Variants in DAPK2 observed in about 807,000 individuals in gnomAD.
The protein encoded by DAPK2 is death-associated protein kinase 2.
In DAPK2, 35 loss-of-function variants were observed where a neutral mutation model predicts 44.1. That is an observed-to-expected ratio of 0.79 (90% CI 0.61 to 1.05). DAPK2 has a LOEUF of 1.05. Ranked by LOEUF, DAPK2 falls within the 50% of genes least tolerant of loss-of-function variation. The pLI, the probability that DAPK2 is intolerant of heterozygous loss-of-function variation, is 0.00. For missense variants in DAPK2, 453 were observed against 483.2 expected (o/e 0.94, Z 0.59); for synonymous variants, 174 against 182.6 (o/e 0.95, Z 0.38).
At chr15:63,925,614 A>G (rs2079221742) in intron 7 of DAPK2, among the ~76,000 whole-genome samples, 1 of 151,238 alleles carries the variant, frequency 6.6e-6, no homozygotes, top group African/African-American at 2.4e-5. Context: ...TCTGAATTCC[A>G]GGTGCCTTTG....
chr15:63,981,286 C>G (rs1002016060), intron 2 of DAPK2, among the ~76,000 whole-genome samples: 3 of 152,080 alleles, frequency 2.0e-5, no homozygotes, highest in African/African-American at 7.2e-5. Context: ...TGTAGAGAGT[C>G]CCCATTAGCA....
At chr15:63,971,429 A>C in exon 3 of DAPK2, 1 of 1,614,174 alleles carries the variant, frequency 6.2e-7, no homozygotes, top group African/African-American at 1.3e-5. Flanking sequence ...TGACCTTGAG[A>C]TCAAAGTGAG....
intron 8 of DAPK2, chr15:63,919,667 G>A (rs1346119707): frequency 6.6e-6 from 1 of 152,066 alleles, no homozygotes; most frequent in Non-Finnish European, 1.5e-5. Context: ...TATATCTTTA[G>A]TAGAGACAGG....
intron 3 of DAPK2, among the ~76,000 whole-genome samples, chr15:63,956,374 A>G (rs1193994377): frequency 2.0e-5 from 3 of 152,048 alleles, no homozygotes; most frequent in South Asian, 4.1e-4. Context: ...ACTGCTTTCA[A>G]TATACCCCAT....
At chr15:63,957,285 T>C (rs1020581598) in intron 3 of DAPK2, among the ~76,000 whole-genome samples, 2 of 152,240 alleles carry the variant, frequency 1.3e-5, no homozygotes, top group African/African-American at 4.8e-5. Context: ...TTCATCCCTT[T>C]ACTTTTAGTC....
chr15:63,989,295 T>C (rs1000640816), intron 1 of DAPK2, among the ~76,000 whole-genome samples: 3 of 151,304 alleles, frequency 2.0e-5, no homozygotes, highest in Admixed American at 6.6e-5. Context: ...AGTTTGAGGC[T>C]ACAGTGAGCT....
intron 3 of DAPK2, among the ~76,000 whole-genome samples, chr15:63,948,844 G>A (rs1249472566): frequency 6.6e-6 from 1 of 152,180 alleles, no homozygotes. Flanking sequence ...AGCAAGTGCT[G>A]TCTTGCTTCT....
intron 1 of DAPK2, chr15:63,991,409 C>T: frequency 2.2e-6 from 1 of 446,144 alleles, no homozygotes; most frequent in Middle Eastern, 4.8e-4. Context: ...AGCTAATGAC[C>T]CAGGCCCCTC....
intron 1 of DAPK2, among the ~76,000 whole-genome samples, chr15:64,037,265 C>A (rs533455118): frequency 6.6e-6 from 1 of 152,212 alleles, no homozygotes; most frequent in African/African-American, 2.4e-5. Flanking sequence ...TGGCCTCCTG[C>A]GGGTTCCCCA....
At chr15:63,924,574 T>A in intron 8 of DAPK2, 1 of 501,830 alleles carries the variant, frequency 2.0e-6, no homozygotes, top group Non-Finnish European at 3.5e-6. Context: ...AACTGTGGTT[T>A]GTGAGGGTTT....
intron 1 of DAPK2, among the ~76,000 whole-genome samples, chr15:64,009,777 T>A (rs1026922381): frequency 6.6e-6 from 1 of 152,016 alleles, no homozygotes; most frequent in Non-Finnish European, 1.5e-5. Context: ...CTAAATTAGG[T>A]TAATCTGTTA....
At chr15:63,999,370 G>A (rs550860557) in intron 1 of DAPK2, among the ~76,000 whole-genome samples, 7 of 152,210 alleles carry the variant, frequency 4.6e-5, no homozygotes, top group Middle Eastern at 3.4e-3. Flanking sequence ...GCTGCTTCTC[G>A]TGGAACTGCA....
chr15:63,911,347 TTCC>T (rs2078787971), intron 10 of DAPK2: 1 of 154,948 alleles, frequency 6.5e-6, no homozygotes, highest in Non-Finnish European at 1.4e-5. Flanking sequence ...GTTAAGTAAT[TTCC>T]TCAAGGTCAC....
intron 1 of DAPK2, among the ~76,000 whole-genome samples, chr15:64,009,166 T>C (rs1238998671): frequency 6.6e-6 from 1 of 152,156 alleles, no homozygotes; most frequent in Admixed American, 6.5e-5. Context: ...TCCAGCCTTG[T>C]ACCCCCAGGC....
At chr15:64,000,441 C>A (rs1046008943) in intron 1 of DAPK2, among the ~76,000 whole-genome samples, 12 of 152,174 alleles carry the variant, frequency 7.9e-5, no homozygotes, top group African/African-American at 2.7e-4. Context: ...TCTACAAAGC[C>A]TCTGGTTTTC....
At chr15:64,004,078 G>A (rs577660134) in intron 1 of DAPK2, among the ~76,000 whole-genome samples, 223 of 149,294 alleles carry the variant, frequency 1.5e-3, no homozygotes, top group African/African-American at 5.5e-3. Context: ...TAATCTTTAG[G>A]TTCTTCTCTC....
chr15:64,004,170 G>A (rs1388107349), intron 1 of DAPK2, among the ~76,000 whole-genome samples: 1 of 151,814 alleles, frequency 6.6e-6, no homozygotes, highest in Non-Finnish European at 1.5e-5. Flanking sequence ...ATAAATACCA[G>A]GTCTTTTGAC....
chr15:64,015,033 G>A (rs185195437), intron 1 of DAPK2, among the ~76,000 whole-genome samples: 38 of 152,314 alleles, frequency 2.5e-4, no homozygotes, highest in African/African-American at 8.9e-4. Context: ...ATGCTAAGAG[G>A]AGGTGGGCAG....
chr15:63,922,129 C>T (rs892546493), intron 8 of DAPK2: 1 of 224,960 alleles, frequency 4.4e-6, no homozygotes, highest in Non-Finnish European at 7.4e-6. Flanking sequence ...ATTTTCTCAT[C>T]AGTTACATGT....
Sources: allele counts gnomAD v4.1 joint callset (sites outside exome capture counted in the v4.1 genomes callset), GRCh38; gene constraint gnomAD v4.1.1; transcripts MANE v1.5; gene names NCBI Gene and HGNC (gene_info 2026-07-23, HGNC 2026-07-21).